The following NKAIN1 variants were observed in gnomAD, a reference collection of about 807,000 sequenced individuals.
NKAIN1 encodes the protein sodium/potassium-transporting ATPase subunit beta-1-interacting protein 1.
NKAIN1 carries 13 observed loss-of-function variants against 31.6 expected under a neutral mutation model. The ratio of observed to expected loss-of-function variants is 0.41; its 90% CI spans 0.27 to 0.65. The LOEUF (loss-of-function observed/expected upper bound fraction) is 0.65, where lower values mean the gene tolerates loss of function less well. Ranked by LOEUF, NKAIN1 falls within the 30% of genes least tolerant of loss-of-function variation. The pLI is 0.30. For synonymous variants in NKAIN1, 104 were observed against 109.0 expected (o/e 0.95, Z 0.28); for missense variants, 193 against 262.2 (o/e 0.74, Z 1.82).
intron 1 of NKAIN1, among the ~76,000 whole-genome samples, chr1:31,200,071 G>A (rs550270389): frequency 7.9e-5 from 12 of 151,436 alleles, no homozygotes; most frequent in African/African-American, 2.7e-4. Context: ...GCGCACGCAC[G>A]AACACATGCG....
At chr1:31,182,117 T>C (rs903891055) in intron 5 of NKAIN1, among the ~76,000 whole-genome samples, 176 bp from the exon 6 acceptor site, 4 of 151,980 alleles carry the variant, frequency 2.6e-5, no homozygotes, top group Non-Finnish European at 5.9e-5. Flanking sequence ...GGGGCGGGGC[T>C]TCGGCTGGAC....
rs1206321260 is a variant in NKAIN1, at chr1:31,189,734, CAAT to C, written c.55-1550_55-1548del. On this transcript the variant is annotated intron_variant, in intron 1 of 6. Transcript: ENST00000373736. ...CCAAGTCTAGCCAAATAATCAAAGA[CAAT>C]GATGAATTTAGGGATAGGCGCTCAC... Among the ~76,000 whole-genome samples the C allele has an allele frequency of 3.3e-5, 5 of 152,312 alleles. 1 individual carries two copies. In the South Asian group the frequency reaches 8.3e-4, roughly 25 times the overall value.
Position 31,181,651 on chromosome 1 carries a change from G to C in NKAIN1, c.*52C>G, listed in dbSNP as rs1645198660. On this transcript the variant is annotated 3_prime_UTR_variant, in exon 7 of 7. Transcript: ENST00000373736. Reference sequence around the variant, plus strand: ...CGCCTGCGCCTTGGCCCGAGCTCGCGGCAGCTGCGGTCAGCCCAGGGCGAG... The same window carrying C: ...CGCCTGCGCCTTGGCCCGAGCTCGCCGCAGCTGCGGTCAGCCCAGGGCGAG... 2 of 1,426,936 alleles carry C rather than the reference G, an allele frequency of 1.4e-6. No homozygotes were observed. Among genetic ancestry groups the C allele is most frequent in the Non-Finnish European group, 1.8e-6 (2 of 1,083,746 alleles). The allele number at this position is 1,426,936 out of a possible 1,614,324, so 88.4% of individuals were successfully genotyped here.
At position 31,232,410 on chromosome 1, in the gene NKAIN1, TATATATATATATATAGAGAGAGAG is replaced by T. The variant is rs1432846012; in HGVS notation, c.54+7060_54+7083del. Among the ~76,000 whole-genome samples the T allele has an allele frequency of 6.0e-5, 2 of 33,218 alleles. 1 individual carries two copies. The highest frequency in any genetic ancestry group is 1.7e-4 in the African/African-American group (2 of 11,602). 21.8% of individuals were successfully genotyped at this position (33,218 alleles called of 152,430 possible). Reference sequence around the variant, plus strand: ...CTGGCCTACTTCATATATATATATATATATATATATATATAGAGAGAGAGAGAGAGAGAGAGAGAGAGAGAGAGA... The same window carrying T: ...CTGGCCTACTTCATATATATATATATAGAGAGAGAGAGAGAGAGAGAGAGA... On this transcript the variant is annotated intron_variant, in intron 1 of 6. Coordinates refer to ENST00000373736, the MANE Select transcript of NKAIN1 (RefSeq NM_024522.3).
intron 1 of NKAIN1, among the ~76,000 whole-genome samples, chr1:31,195,124 CTTT>C (rs112786243): frequency 1.6e-5 from 2 of 125,434 alleles, no homozygotes; most frequent in Non-Finnish European, 1.7e-5. Flanking sequence ...TTCCTTCCTC[CTTT>C]TTTTTTTTTT....
At chr1:31,201,301 T>C (rs941317352) in intron 1 of NKAIN1, among the ~76,000 whole-genome samples, 6 of 152,026 alleles carry the variant, frequency 3.9e-5, no homozygotes, top group Middle Eastern at 3.4e-3. Context: ...TAGGATACTT[T>C]ATGGAGCACT....
At chr1:31,235,664 T>C (rs557306711) in intron 1 of NKAIN1, among the ~76,000 whole-genome samples, 1 of 152,146 alleles carries the variant, frequency 6.6e-6, no homozygotes, top group African/African-American at 2.4e-5. Context: ...AAACAAAACA[T>C]GCCAGTCCAG....
Position 31,239,319 on chromosome 1 carries a change from G to A in NKAIN1, c.54+175C>T, listed in dbSNP as rs1645715605. Among the ~76,000 whole-genome samples the A allele has an allele frequency of 1.3e-5, 2 of 152,062 alleles. No homozygotes were observed. The highest frequency in any genetic ancestry group is 2.9e-5 in the Non-Finnish European group (2 of 67,998). ...AGCGAGAAGCGCACACAAAGAGACA[G>A]CCCGGCCAGCGGGAGCAGGCTCCGC... On this transcript the variant is annotated intron_variant, in intron 1 of 6. Transcript: ENST00000373736. This position sits in a 1 kb window ranked among gnomAD's most constrained non-coding sequence, Gnocchi z 4.8.
intron 1 of NKAIN1, among the ~76,000 whole-genome samples, chr1:31,236,458 C>A (rs747082296): frequency 1.3e-5 from 2 of 152,148 alleles, no homozygotes; most frequent in African/African-American, 2.4e-5. Context: ...TCCCTTCAGT[C>A]CCTTGGATGA....
intron 1 of NKAIN1, among the ~76,000 whole-genome samples, chr1:31,195,235 C>T (rs1645316361): frequency 6.6e-6 from 1 of 151,348 alleles, no homozygotes; most frequent in African/African-American, 2.4e-5. Context: ...TCTCCTGCCT[C>T]AGCCTTCCCA....
intron 1 of NKAIN1, among the ~76,000 whole-genome samples, chr1:31,209,455 C>T (rs1427530824): frequency 6.6e-6 from 1 of 152,130 alleles, no homozygotes; most frequent in Non-Finnish European, 1.5e-5. Flanking sequence ...CTGAGAATCC[C>T]AACAGCAGAT....
intron 1 of NKAIN1, among the ~76,000 whole-genome samples, chr1:31,207,627 G>C (rs945604051): frequency 6.6e-6 from 1 of 152,054 alleles, no homozygotes; most frequent in African/African-American, 2.4e-5. Context: ...TGCCCATGAA[G>C]CATTCATGGG....
intron 1 of NKAIN1, among the ~76,000 whole-genome samples, chr1:31,206,370 T>C (rs953018026): frequency 9.9e-5 from 15 of 151,656 alleles, no homozygotes; most frequent in Non-Finnish European, 2.1e-4. Flanking sequence ...ATCACAACCA[T>C]GAAAGCAAGT....
rs767657803 is a variant in NKAIN1, at chr1:31,182,601, AGAT to A, written c.472-14_472-12del. Reference sequence around the variant, plus strand: ...CACGAAGCCGAACAGCTGGGAGTGGAGATGACACGTCAGGGAGGAAGGAGGAGT... The same window carrying A: ...CACGAAGCCGAACAGCTGGGAGTGGAGACACGTCAGGGAGGAAGGAGGAGT... On this transcript the variant is annotated splice_polypyrimidine_tract_variant and intron_variant, in intron 4 of 6. Transcript: ENST00000373736. 60 of 1,614,024 alleles carry A rather than the reference AGAT, an allele frequency of 3.7e-5. No individual in the cohort carries two copies. The highest frequency in any genetic ancestry group is 5.0e-5 in the Admixed American group (3 of 60,026).
rs896735831 is a variant in NKAIN1 at position 31,220,183 on chromosome 1, T to G, written c.54+19311A>C. Among the ~76,000 whole-genome samples, 996 of 149,218 alleles carry G rather than the reference T, an allele frequency of 6.7e-3. 57 individuals carry two copies. In the East Asian group the frequency reaches 0.13, roughly 19 times the overall value. On this transcript the variant is annotated intron_variant, in intron 1 of 6. Transcript: ENST00000373736. ...CCACCACGCCCAGCTAATTTTTTTT[T>G]TTTTTTTTTTTTTAGTACAGACGGG...
chr1:31,224,192 C>CCCT (rs1191684119), intron 1 of NKAIN1, among the ~76,000 whole-genome samples: 5 of 152,138 alleles, frequency 3.3e-5, no homozygotes, highest in Non-Finnish European at 7.3e-5. Flanking sequence ...CCCAGCAGCC[C>CCCT]CCTTCCCTCC....
intron 4 of NKAIN1, 104 bp from the exon 5 acceptor site, chr1:31,182,694 C>T: frequency 1.6e-6 from 2 of 1,263,800 alleles, no homozygotes; most frequent in South Asian, 2.6e-5. Context: ...AGGAGGCATG[C>T]CAGGATGAAG....
intron 1 of NKAIN1, among the ~76,000 whole-genome samples, chr1:31,225,381 C>T (rs1645596289): frequency 7.9e-6 from 1 of 126,082 alleles, no homozygotes; most frequent in South Asian, 2.8e-4. Context: ...GTTGCCCAGG[C>T]TGGAGTGCAG....
intron 1 of NKAIN1, among the ~76,000 whole-genome samples, chr1:31,218,071 T>TCTTTCTTTCTTTCTTTCTTTCTTTCTTTC (rs201070152): frequency 2.8e-4 from 38 of 133,660 alleles, no homozygotes; most frequent in Admixed American, 8.3e-4. Context: ...TTTCTTTCTT[T>TCTTTCTTTCTTTCTTTCTTTCTTTCTTTC]TTTTTTTTTG....
Sources: gnomAD v4.1 joint callset for allele counts (sites outside exome capture counted in the v4.1 genomes callset) on GRCh38, gnomAD v4.1.1 for gene constraint, Gnocchi (gnomAD v3.1) non-coding constraint, MANE v1.5 for transcripts, NCBI Gene and HGNC (gene_info 2026-07-23, HGNC 2026-07-21) for gene names.